MYO16: variants seen among roughly 807,000 people sequenced by gnomAD.
The protein encoded by MYO16 is unconventional myosin-XVI.
A neutral mutation model predicts 205.3 loss-of-function variants in MYO16; 94 were observed. The ratio of observed to expected loss-of-function variants is 0.46; its 90% CI spans 0.39 to 0.54. MYO16 has a LOEUF of 0.54. Ranked by LOEUF, MYO16 falls within the 20% of genes least tolerant of loss-of-function variation. MYO16 has a pLI of 0.00. For synonymous variants in MYO16, 988 were observed against 954.0 expected, an observed-to-expected ratio of 1.04 and a Z score of -0.66; for missense variants, 2,315 against 2,387.5, an observed-to-expected ratio of 0.97 and a Z score of 0.63.
chr13:108,521,948 G>T, the MYO16 span, among the ~76,000 whole-genome samples: 1 of 152,146 alleles, frequency 6.6e-6, no homozygotes, highest in Admixed American at 6.5e-5. Context: ...TTGGTTGGAG[G>T]CAGACTGAAT....
intron 3 of MYO16, among the ~76,000 whole-genome samples, chr13:108,720,660 T>A (rs1884128336): frequency 6.6e-6 from 1 of 152,316 alleles, no homozygotes; most frequent in South Asian, 2.1e-4. Context: ...TCAAACTGGA[T>A]GTTTCCTAGT....
intron 24 of MYO16, chr13:109,048,597 G>A (rs889817014): frequency 4.7e-5 from 17 of 362,630 alleles, no homozygotes; most frequent in East Asian, 1.2e-4. Context: ...TGGCTCAGGA[G>A]CCATGATTGC....
intron 20 of MYO16, among the ~76,000 whole-genome samples, chr13:108,974,955 A>G (rs1884198244): frequency 6.6e-6 from 1 of 152,218 alleles, no homozygotes; most frequent in South Asian, 2.1e-4. Context: ...GTTTACATCT[A>G]TACTATTTGT....
At chr13:108,677,331 GTGTGTATATATATATATATATATGCA>G (rs1383392783) in intron 2 of MYO16, among the ~76,000 whole-genome samples, 5 of 126,594 alleles carry the variant, frequency 3.9e-5, no homozygotes, top group Admixed American at 1.5e-4. Flanking sequence ...GTGTGTGTGT[GTGTGTATATATATATATATATATGCA>G]TATATATATA....
At chr13:108,911,739 G>A (rs1441386467) in intron 16 of MYO16, among the ~76,000 whole-genome samples, 2 of 152,204 alleles carry the variant, frequency 1.3e-5, no homozygotes, top group East Asian at 3.9e-4. Context: ...TGGAACCAGA[G>A]AGCTAAATTC....
At chr13:108,684,456 G>A (rs1882592754) in intron 2 of MYO16, among the ~76,000 whole-genome samples, 2 of 152,170 alleles carry the variant, frequency 1.3e-5, no homozygotes, top group Admixed American at 6.5e-5. Flanking sequence ...CTCTTATTGT[G>A]TGTGTATATA....
intron 6 of MYO16, among the ~76,000 whole-genome samples, chr13:108,805,833 A>T (rs1157280841): frequency 6.6e-6 from 1 of 151,948 alleles, no homozygotes; most frequent in African/African-American, 2.4e-5. Context: ...TAACCCCAGC[A>T]CTTTGGGAAG....
intron 4 of MYO16, among the ~76,000 whole-genome samples, chr13:108,784,550 T>C (rs920681698): frequency 7.2e-5 from 11 of 152,180 alleles, no homozygotes; most frequent in African/African-American, 2.4e-4. Flanking sequence ...TCTTTGGAAA[T>C]CTGTGCAGAC....
intron 7 of MYO16, among the ~76,000 whole-genome samples, 180 bp downstream of exon 7, chr13:108,806,984 C>T (rs543902962): frequency 2.0e-5 from 3 of 152,298 alleles, no homozygotes; most frequent in Non-Finnish European, 4.4e-5. Flanking sequence ...TACAAGAGCA[C>T]ATGTTCCTTA....
At chr13:109,136,296 T>C (rs1876772579) in intron 31 of MYO16, among the ~76,000 whole-genome samples, 1 of 152,060 alleles carries the variant, frequency 6.6e-6, no homozygotes. Flanking sequence ...TTTCAACATA[T>C]TGTTGAAAGG....
At chr13:108,535,280 CA>C in the MYO16 span, among the ~76,000 whole-genome samples, 5 of 152,080 alleles carry the variant, frequency 3.3e-5, no homozygotes, top group African/African-American at 1.2e-4. Context: ...ATGTGACAAA[CA>C]AACAAACAAA....
At chr13:108,929,893 T>C (rs1882178492) in intron 16 of MYO16, among the ~76,000 whole-genome samples, 1 of 152,216 alleles carries the variant, frequency 6.6e-6, no homozygotes, top group South Asian at 2.1e-4. Flanking sequence ...AATGAATAAA[T>C]TAATCTGATT....
At chr13:108,538,417 A>G in the MYO16 span, among the ~76,000 whole-genome samples, 5 of 152,108 alleles carry the variant, frequency 3.3e-5, no homozygotes, top group African/African-American at 1.2e-4. Flanking sequence ...ATGGATTATT[A>G]GTGACTTCAT....
rs369958615 is a variant in MYO16, at chr13:109,017,862, G to A, written c.2596-1849G>A. On this transcript the variant is annotated intron_variant, in intron 22 of 34. Transcript: ENST00000457511. ...CACTGGTTATTCTAGTTAGCCATTC[G>A]TCTAATCTTTTTTCAAGGTTTTTAG... Among the ~76,000 whole-genome samples, 3 of 146,442 alleles carry A rather than the reference G, an allele frequency of 2.0e-5. No homozygotes were observed. In the South Asian group the frequency reaches 6.3e-4, roughly 31 times the overall value.
At chr13:108,699,176 T>TAC (rs201104466) in intron 2 of MYO16, among the ~76,000 whole-genome samples, 3,106 of 115,242 alleles carry the variant, frequency 0.027, 112 homozygotes, top group African/African-American at 0.085. Flanking sequence ...ATATATACTA[T>TAC]ATACACACAT....
chr13:108,916,980 A>T (rs2139251308), intron 16 of MYO16, among the ~76,000 whole-genome samples: 1 of 152,338 alleles, frequency 6.6e-6, no homozygotes, highest in South Asian at 2.1e-4. Context: ...TGTTGAGATG[A>T]GGGCGTAGCT....
chr13:109,047,689 G>C (rs537926302), intron 24 of MYO16, among the ~76,000 whole-genome samples: 1 of 151,990 alleles, frequency 6.6e-6, no homozygotes, highest in Non-Finnish European at 1.5e-5. Context: ...CCTTTATAGT[G>C]AATTAAAACA....
chr13:109,046,832 G>C, intron 23 of MYO16, 84 bp from the exon 24 acceptor site: 1 of 1,153,494 alleles, frequency 8.7e-7, no homozygotes, highest in Non-Finnish European at 1.3e-6. Flanking sequence ...GAAAACTTCA[G>C]CTGGGTCAAG....
At chr13:108,593,572 G>T (rs748458659), upstream of MYO16, among the ~76,000 whole-genome samples, 3 of 152,146 alleles carry the variant, frequency 2.0e-5, no homozygotes, top group East Asian at 1.9e-4. Flanking sequence ...AAAGACTATG[G>T]TTTACATAGT....
Sources: allele counts gnomAD v4.1 joint callset (sites outside exome capture counted in the v4.1 genomes callset), GRCh38; gene constraint gnomAD v4.1.1; transcripts MANE v1.5; gene names NCBI Gene and HGNC (gene_info 2026-07-23, HGNC 2026-07-21).